The following PSMC2 variants were observed in gnomAD, a reference collection of about 807,000 sequenced individuals.
PSMC2 encodes proteasome 26S subunit, ATPase 2.
In PSMC2, 7 loss-of-function variants were observed where a neutral mutation model predicts 53.3. That is an observed-to-expected ratio of 0.13 (90% confidence interval 0.07 to 0.25). The LOEUF (loss-of-function observed/expected upper bound fraction) is 0.25, where lower values mean the gene tolerates loss of function less well. Ranked by LOEUF, PSMC2 falls within the 10% of genes least tolerant of loss-of-function variation. PSMC2 has a pLI of 1.00. For synonymous variants in PSMC2, 169 were observed against 183.9 expected (o/e 0.92, Z 0.66); for missense variants, 241 against 544.0 (o/e 0.44, Z 5.54).
chr7:103,359,831 G>A (rs1820272915), intron 4 of PSMC2, among the ~76,000 whole-genome samples: 1 of 152,152 alleles, frequency 6.6e-6, no homozygotes, highest in African/African-American at 2.4e-5. Flanking sequence ...TGTAATCCCA[G>A]CACTTTGGGA....
rs769618353 is a variant in PSMC2, at chr7:103,352,215, TAAAAAAA to T, written c.71-1681_71-1675del. Among the ~76,000 whole-genome samples, 354 of 40,622 alleles carry T rather than the reference TAAAAAAA, an allele frequency of 8.7e-3. 7 individuals carry two copies. Among genetic ancestry groups the T allele is most frequent in the African/African-American group, 0.029 (328 of 11,380 alleles). The allele number at this position is 40,622 out of a possible 152,430, so 26.6% of individuals were successfully genotyped here. ...TTTCCTACCTCTACTCATACTTAGT[TAAAAAAA>T]AAAAAAAAAAAAAAAAAAAAAAAAG... On this transcript the variant is annotated intron_variant, in intron 1 of 11. Transcript: ENST00000292644.
At chr7:103,366,042 C>T in intron 8 of PSMC2, 34 bp from the exon 9 acceptor site, 2 of 1,536,688 alleles carry the variant, frequency 1.3e-6, no homozygotes, top group Non-Finnish European at 1.8e-6. Context: ...ATTTTGAAAC[C>T]AATTTTGAAT....
At chr7:103,356,491 A>G (rs1820039428) in intron 4 of PSMC2, among the ~76,000 whole-genome samples, 2 of 152,312 alleles carry the variant, frequency 1.3e-5, no homozygotes, top group South Asian at 2.1e-4. Context: ...TGTCTGATCA[A>G]TGTAAGATAC....
At chr7:103,352,867 G>T (rs770867741) in intron 1 of PSMC2, 3 of 780,730 alleles carry the variant, frequency 3.8e-6, no homozygotes, top group Non-Finnish European at 7.2e-6. Flanking sequence ...AGCCTGAACT[G>T]CTTGGATTAC....
intron 4 of PSMC2, among the ~76,000 whole-genome samples, chr7:103,356,014 A>G (rs1820011597): frequency 6.6e-6 from 1 of 152,232 alleles, no homozygotes; most frequent in Non-Finnish European, 1.5e-5. Flanking sequence ...ATATAAAAAG[A>G]TGTAGAGCAA....
intron 4 of PSMC2, among the ~76,000 whole-genome samples, chr7:103,358,522 T>A (rs2116188282): frequency 6.6e-6 from 1 of 152,278 alleles, no homozygotes; most frequent in African/African-American, 2.4e-5. Flanking sequence ...CTTTTTACTT[T>A]ACTTTCTATG....
chr7:103,355,023 T>C, intron 3 of PSMC2, 74 bp downstream of exon 3: 1 of 949,532 alleles, frequency 1.1e-6, no homozygotes, highest in East Asian at 2.6e-5. Flanking sequence ...TAAATACAGA[T>C]TTTACTCCTT....
intron 1 of PSMC2, among the ~76,000 whole-genome samples, chr7:103,351,932 T>G (rs1200761732): frequency 6.6e-6 from 1 of 151,996 alleles, no homozygotes; most frequent in Non-Finnish European, 1.5e-5. Flanking sequence ...CTCTTTTCAT[T>G]GCTACCATTT....
At chr7:103,354,364 G>A (rs1257581134) in intron 2 of PSMC2, among the ~76,000 whole-genome samples, 1 of 147,184 alleles carries the variant, frequency 6.8e-6, no homozygotes, top group South Asian at 2.2e-4. Flanking sequence ...TTTCACACAC[G>A]ATTTTTTTTT....
intron 4 of PSMC2, among the ~76,000 whole-genome samples, chr7:103,360,838 G>A (rs958157207): frequency 3.9e-5 from 6 of 152,198 alleles, no homozygotes; most frequent in African/African-American, 1.2e-4. Context: ...CTGGCCGGGT[G>A]CAATGGCTCA....
chr7:103,362,425 T>C, intron 5 of PSMC2: 2 of 1,354,456 alleles, frequency 1.5e-6, no homozygotes, highest in Non-Finnish European at 9.5e-7. Flanking sequence ...ATAGAATACA[T>C]AACAACTCAC....
At chr7:103,366,247 T>G in intron 9 of PSMC2, 84 bp downstream of exon 9, 1 of 1,231,940 alleles carries the variant, frequency 8.1e-7, no homozygotes, top group Non-Finnish European at 1.2e-6. Context: ...GTTAATCTTG[T>G]ACAGAATTTT....
intron 5 of PSMC2, 86 bp downstream of exon 5, chr7:103,362,174 G>A: frequency 1.3e-6 from 2 of 1,571,466 alleles, no homozygotes; most frequent in Non-Finnish European, 1.7e-6. Flanking sequence ...GTGAATAAAT[G>A]GACTGAGTTC....
chr7:103,358,714 C>A (rs139180542), intron 4 of PSMC2, among the ~76,000 whole-genome samples: 1 of 151,726 alleles, frequency 6.6e-6, no homozygotes, highest in South Asian at 2.1e-4. Context: ...GTAATATGTT[C>A]TTATCTCTCT....
At chr7:103,364,346 A>G (rs1820575193) in intron 8 of PSMC2, 39 bp downstream of exon 8, 1 of 1,603,810 alleles carries the variant, frequency 6.2e-7, no homozygotes, top group Non-Finnish European at 8.5e-7. Flanking sequence ...GCCTTGTGAA[A>G]GATTTTACAG....
chr7:103,366,808 T>C (rs1374851999), intron 9 of PSMC2, among the ~76,000 whole-genome samples: 1 of 148,868 alleles, frequency 6.7e-6, no homozygotes, highest in South Asian at 2.1e-4. Flanking sequence ...AAATCTAGAC[T>C]TTTTTTTTTG....
intron 2 of PSMC2, among the ~76,000 whole-genome samples, chr7:103,354,166 A>G (rs983825619): frequency 6.6e-6 from 1 of 152,216 alleles, no homozygotes; most frequent in African/African-American, 2.4e-5. Flanking sequence ...CCTAAAGTTT[A>G]TAGAATAGAT....
Position 103,368,256 on chromosome 7 carries a change from C to G in PSMC2, c.*202C>G. The G allele has an allele frequency of 1.8e-6, 1 of 546,910 alleles. No homozygotes were observed. Among genetic ancestry groups the G allele is most frequent in the Non-Finnish European group, 3.0e-6 (1 of 328,182 alleles). 33.9% of individuals were successfully genotyped at this position (546,910 alleles called of 1,614,324 possible). On this transcript the variant is annotated 3_prime_UTR_variant, in exon 12 of 12. Transcript: ENST00000292644. ...AATATATTTTGACTATTTTTTTGAC[C>G]CACACCCGTTTAAGGATTTCACATC... is the stretch of plus-strand genomic sequence containing the variant.
rs768856639 is a variant in PSMC2, at chr7:103,367,277, C to T, written c.845-136C>T. The T allele has an allele frequency of 5.9e-6, 4 of 682,190 alleles. No homozygotes were observed. The highest frequency in any genetic ancestry group is 1.0e-5 in the Non-Finnish European group (4 of 391,948). 42.3% of individuals were successfully genotyped at this position (682,190 alleles called of 1,614,324 possible). A position where few individuals can be genotyped will look rare whatever the true frequency, so the allele number is the denominator to read the frequency against. ...TTTTATATAAAGCAAGCTGTTCTTA[C>T]AGGATTTGCTTCAAAGTGGGATGTC... On this transcript the variant is annotated intron_variant, in intron 9 of 11. Coordinates refer to ENST00000292644, the MANE Select transcript of PSMC2 (RefSeq NM_002803.4). The surrounding 1 kb of genome is among the most constrained non-coding windows in gnomAD (Gnocchi z 6.1).
Sources: gnomAD v4.1 joint callset for allele counts (sites outside exome capture counted in the v4.1 genomes callset) on GRCh38, gnomAD v4.1.1 for gene constraint, Gnocchi (gnomAD v3.1) non-coding constraint, MANE v1.5 for transcripts, NCBI Gene and HGNC (gene_info 2026-07-23, HGNC 2026-07-21) for gene names.